Variants in GRID1 observed in about 807,000 individuals in gnomAD.
The protein encoded by GRID1 is glutamate receptor ionotropic, delta-1.
Under a neutral mutation model 98.0 loss-of-function variants are expected in GRID1, and 28 were observed. That is an observed-to-expected ratio of 0.29 (90% CI 0.21 to 0.39). The LOEUF is 0.39. Ranked by LOEUF, GRID1 falls within the 10% of genes least tolerant of loss-of-function variation. The pLI is 1.00. For synonymous variants in GRID1, 553 were observed against 538.5 expected (o/e 1.03, Z -0.37); for missense variants, 1,111 against 1,340.5 (o/e 0.83, Z 2.67).
chr10:85,943,375 A>G (rs1360585206), intron 4 of GRID1, among the ~76,000 whole-genome samples: 1 of 152,210 alleles, frequency 6.6e-6, no homozygotes, highest in Non-Finnish European at 1.5e-5. Flanking sequence ...AAATGGAAAT[A>G]ATAAAATATC....
chr10:86,214,263 T>C (rs1054121875), intron 2 of GRID1, among the ~76,000 whole-genome samples: 4 of 152,188 alleles, frequency 2.6e-5, no homozygotes, highest in Admixed American at 6.5e-5. Context: ...CTTTGTGCAG[T>C]AACTCAAGCG....
At chr10:85,795,107 G>C (rs1842514614) in intron 8 of GRID1, among the ~76,000 whole-genome samples, 1 of 152,144 alleles carries the variant, frequency 6.6e-6, no homozygotes, top group Non-Finnish European at 1.5e-5. Flanking sequence ...GATGGATATG[G>C]ATCGAGAAAT....
chr10:85,891,481 T>C (rs1841199809), intron 5 of GRID1, among the ~76,000 whole-genome samples: 1 of 152,096 alleles, frequency 6.6e-6, no homozygotes, highest in African/African-American at 2.4e-5. Context: ...CTGTGGTGGA[T>C]TAATAAGGGC....
intron 2 of GRID1, among the ~76,000 whole-genome samples, chr10:86,362,675 T>C (rs1848615332): frequency 6.6e-6 from 1 of 152,010 alleles, no homozygotes; most frequent in African/African-American, 2.4e-5. Context: ...ACCCCCAGAA[T>C]TCCTCCTTCC....
At chr10:86,239,948 G>A (rs935364811) in intron 2 of GRID1, among the ~76,000 whole-genome samples, 1 of 152,100 alleles carries the variant, frequency 6.6e-6, no homozygotes, top group African/African-American at 2.4e-5. Flanking sequence ...ACCTTTATAA[G>A]ACTGGTGTCC....
At chr10:86,122,864 G>T (rs1047419941) in intron 4 of GRID1, among the ~76,000 whole-genome samples, 3 of 152,204 alleles carry the variant, frequency 2.0e-5, no homozygotes, top group Non-Finnish European at 2.9e-5. Flanking sequence ...TGGAGACAAG[G>T]GGGGAGCCCA....
At chr10:85,804,997 G>A (rs967999510) in intron 8 of GRID1, among the ~76,000 whole-genome samples, 7 of 151,566 alleles carry the variant, frequency 4.6e-5, no homozygotes, top group African/African-American at 7.2e-5. Context: ...GAGGATGGGA[G>A]GAGAGAGAAG....
intron 4 of GRID1, among the ~76,000 whole-genome samples, chr10:85,991,604 G>A (rs2131868366): frequency 6.6e-6 from 1 of 152,330 alleles, no homozygotes; most frequent in South Asian, 2.1e-4. Context: ...GCTCTGGGCT[G>A]ATGCTGATAT....
chr10:85,742,876 T>C (rs1021148106), intron 8 of GRID1, among the ~76,000 whole-genome samples: 1 of 152,172 alleles, frequency 6.6e-6, no homozygotes, highest in Non-Finnish European at 1.5e-5. Flanking sequence ...ATACTTGCTC[T>C]AGGACAAAGC....
At chr10:85,793,984 T>C (rs1422877244) in intron 8 of GRID1, among the ~76,000 whole-genome samples, 5 of 152,212 alleles carry the variant, frequency 3.3e-5, no homozygotes, top group African/African-American at 1.2e-4. Flanking sequence ...CTAATGTGTA[T>C]TGTGAATCAT....
chr10:86,163,914 A>G (rs1396172724), intron 3 of GRID1, among the ~76,000 whole-genome samples: 2 of 152,160 alleles, frequency 1.3e-5, no homozygotes, highest in African/African-American at 2.4e-5. Flanking sequence ...TCGCCTGCTC[A>G]GCCTCACCCA....
chr10:86,349,030 C>T (rs1848428070), intron 2 of GRID1, among the ~76,000 whole-genome samples: 1 of 152,222 alleles, frequency 6.6e-6, no homozygotes. Flanking sequence ...CTGGCTATGT[C>T]CTCACAGACA....
chr10:85,980,998 C>A (rs1842537682), intron 4 of GRID1, among the ~76,000 whole-genome samples: 1 of 152,206 alleles, frequency 6.6e-6, no homozygotes, highest in African/African-American at 2.4e-5. Flanking sequence ...GCCTTCCTCC[C>A]AGGTGAGCCG....
intron 12 of GRID1, among the ~76,000 whole-genome samples, chr10:85,718,161 G>C (rs1186180674): frequency 6.6e-6 from 1 of 152,222 alleles, no homozygotes; most frequent in African/African-American, 2.4e-5. Flanking sequence ...TCTTCTCACA[G>C]CTCCGCTAGG....
chr10:85,981,074 T>C (rs904974357), intron 4 of GRID1, among the ~76,000 whole-genome samples: 11 of 152,190 alleles, frequency 7.2e-5, no homozygotes, highest in South Asian at 2.1e-4. Flanking sequence ...CAAGGTTGCA[T>C]GTGGGGATTC....
At chr10:85,648,434 A>C (rs1364964163) in intron 12 of GRID1, among the ~76,000 whole-genome samples, 1 of 151,954 alleles carries the variant, frequency 6.6e-6, no homozygotes, top group African/African-American at 2.4e-5. Flanking sequence ...CCAGGTTCCA[A>C]CTTGATCACT....
chr10:85,612,641 T>C (rs1056902699), intron 15 of GRID1, among the ~76,000 whole-genome samples: 1 of 151,922 alleles, frequency 6.6e-6, no homozygotes. Flanking sequence ...ATGTGGAGTT[T>C]CTGCTGGCAA....
chr10:86,080,903 T>C (rs1843968735), intron 4 of GRID1, among the ~76,000 whole-genome samples: 1 of 152,146 alleles, frequency 6.6e-6, no homozygotes, highest in South Asian at 2.1e-4. Flanking sequence ...TGAAGAATGC[T>C]CCCAGGTAGA....
chr10:85,919,321 C>G (rs78784564), intron 4 of GRID1, among the ~76,000 whole-genome samples: 1 of 152,204 alleles, frequency 6.6e-6, no homozygotes, highest in African/African-American at 2.4e-5. Flanking sequence ...AACTGGTCAA[C>G]TTTTCTGTCC....
Sources: gnomAD v4.1 joint callset for allele counts (sites outside exome capture counted in the v4.1 genomes callset) on GRCh38, gnomAD v4.1.1 for gene constraint, MANE v1.5 for transcripts, NCBI Gene and HGNC (gene_info 2026-07-23, HGNC 2026-07-21) for gene names.